Variants in BMPER observed in about 807,000 individuals in gnomAD.
BMPER encodes the protein BMP binding endothelial regulator.
BMPER carries 45 observed loss-of-function variants against 87.3 expected under a neutral mutation model. That is an observed-to-expected ratio of 0.52 (90% CI 0.41 to 0.66). BMPER has a LOEUF of 0.66. Among genes scored for constraint, BMPER ranks in the 30% least tolerant of loss-of-function variants. The pLI, the probability that BMPER is intolerant of heterozygous loss-of-function variation, is 0.00. For missense variants in BMPER, 784 were observed against 867.5 expected (o/e 0.90, Z 1.21); for synonymous variants, 326 against 316.2 (o/e 1.03, Z -0.33).
intron 2 of BMPER, among the ~76,000 whole-genome samples, chr7:33,928,462 G>A (rs1784409822): frequency 6.6e-6 from 1 of 151,838 alleles, no homozygotes; most frequent in Non-Finnish European, 1.5e-5. Flanking sequence ...ATTTTTATTT[G>A]GTGGTTGTTT....
intron 6 of BMPER, among the ~76,000 whole-genome samples, chr7:34,023,059 C>T (rs1448513965): frequency 2.6e-5 from 4 of 152,030 alleles, no homozygotes; most frequent in Admixed American, 6.6e-5. Context: ...CCATTGTACT[C>T]GAGAAACATC....
In BMPER at chr7:34,139,212, C is replaced by T. The variant is rs77891507; in HGVS notation, c.1746-4018C>T. Among the ~76,000 whole-genome samples the T allele has an allele frequency of 5.4e-3, 823 of 152,218 alleles. 58 individuals carry two copies. The East Asian group carries it at 0.13, about 24-fold the overall frequency. On this transcript the variant is annotated intron_variant, in intron 13 of 14. Coordinates refer to ENST00000649409, the MANE Select transcript of BMPER (RefSeq NM_001365308.1). The stretch of plus-strand genomic sequence containing the variant: ...AAAATTATTCCATTATCTATTCCAC[C>T]ACCACATTAGTAGACCAATGAAATA...
At chr7:34,011,598 A>AG (rs550533246) in intron 6 of BMPER, among the ~76,000 whole-genome samples, 198 of 148,444 alleles carry the variant, frequency 1.3e-3, no homozygotes, top group Non-Finnish European at 2.6e-3. Flanking sequence ...AAAAAAAAAA[A>AG]AAAAAAGAAA....
intron 2 of BMPER, among the ~76,000 whole-genome samples, chr7:33,915,386 T>C (rs1005656339): frequency 1.3e-5 from 2 of 152,252 alleles, no homozygotes; most frequent in Non-Finnish European, 2.9e-5. Context: ...TTTAAAAATA[T>C]TACGATATAA....
intron 8 of BMPER, among the ~76,000 whole-genome samples, chr7:34,052,698 G>T (rs752875606): frequency 1.4e-4 from 22 of 152,180 alleles, no homozygotes; most frequent in Non-Finnish European, 2.5e-4. Context: ...GTTTTTAATA[G>T]TTAAAGGTCG....
intron 2 of BMPER, among the ~76,000 whole-genome samples, chr7:33,935,384 C>G (rs1784577773): frequency 6.6e-6 from 1 of 152,130 alleles, no homozygotes. Flanking sequence ...GGAGCTTGAA[C>G]AAATACCCAT....
chr7:33,905,912 G>T (rs1475915061), intron 1 of BMPER, among the ~76,000 whole-genome samples, 166 bp downstream of exon 1: 2 of 152,236 alleles, frequency 1.3e-5, no homozygotes, highest in Non-Finnish European at 2.9e-5. Flanking sequence ...GGCTGGGAAG[G>T]CTGGTGAAGA....
At position 34,095,598 on chromosome 7, in the gene BMPER, A is replaced by G. The variant is rs1215413558; in HGVS notation, c.1745+9506A>G. 5.9e-5 allele frequency among the ~76,000 whole-genome samples: 9 copies of G among 152,350 alleles called. No individual in the cohort carries two copies. In the East Asian group the frequency reaches 1.4e-3, roughly 23 times the overall value. On this transcript the variant is annotated intron_variant, in intron 13 of 14. Coordinates refer to ENST00000649409, the MANE Select transcript of BMPER (RefSeq NM_001365308.1). ...AAATGAAATATTGAAAGATTCTGAAAGAAGACTCAAAGTTCTCTCCTCTGA... is the reference window on the plus strand; with the variant it reads ...AAATGAAATATTGAAAGATTCTGAAGGAAGACTCAAAGTTCTCTCCTCTGA...
At position 34,105,791 on chromosome 7, in the gene BMPER, G is replaced by A. The variant is rs114852349; in HGVS notation, c.1745+19699G>A. ...GACACGTCTTCTTTCAAACTAACAT[G>A]GCCCATGAGTTGGAGGAGCATTGAA... On this transcript the variant is annotated intron_variant, in intron 13 of 14. Transcript: ENST00000649409. Among the ~76,000 whole-genome samples, 670 of 152,242 alleles carry A rather than the reference G, an allele frequency of 4.4e-3. 3 individuals are homozygous for A. Among genetic ancestry groups the A allele is most frequent in the African/African-American group, 0.014 (596 of 41,546 alleles).
intron 6 of BMPER, among the ~76,000 whole-genome samples, chr7:34,038,122 A>T (rs1392630087): frequency 2.0e-5 from 3 of 152,230 alleles, no homozygotes; most frequent in African/African-American, 7.2e-5. Flanking sequence ...AGGTGACCTT[A>T]CATGGCACAA....
intron 2 of BMPER, among the ~76,000 whole-genome samples, chr7:33,909,693 A>AAAAAAAAAAG (rs10655768): frequency 1.9e-4 from 27 of 138,910 alleles, no homozygotes; most frequent in African/African-American, 5.1e-4. Context: ...AAAAAAAAAA[A>AAAAAAAAAAG]AAAGAAAGAA....
intron 2 of BMPER, among the ~76,000 whole-genome samples, chr7:33,909,284 C>A (rs1005624789): frequency 1.3e-5 from 2 of 152,162 alleles, no homozygotes. Context: ...GTTTTGTCTG[C>A]CTCTAGAGCA....
intron 6 of BMPER, among the ~76,000 whole-genome samples, chr7:33,998,091 A>T (rs1161769281): frequency 6.6e-6 from 1 of 152,232 alleles, no homozygotes; most frequent in Admixed American, 6.5e-5. Flanking sequence ...TCCACGACCT[A>T]AAATGGAACT....
At chr7:34,136,825 C>T (rs76212467) in intron 13 of BMPER, among the ~76,000 whole-genome samples, 2,464 of 152,310 alleles carry the variant, frequency 0.016, 54 homozygotes, top group African/African-American at 0.055. Context: ...TATCTGGCTC[C>T]GAGGTGGAGC....
At chr7:34,133,595 G>C (rs1431584666) in intron 13 of BMPER, among the ~76,000 whole-genome samples, 1 of 152,170 alleles carries the variant, frequency 6.6e-6, no homozygotes, top group African/African-American at 2.4e-5. Flanking sequence ...ATCCAAGAAG[G>C]GGGTTGTGGA....
At chr7:34,076,204 A>G (rs539726445) in intron 11 of BMPER, among the ~76,000 whole-genome samples, 11 of 152,290 alleles carry the variant, frequency 7.2e-5, no homozygotes, top group Admixed American at 1.3e-4. Context: ...AGGCTTCCCC[A>G]GAGTCACTTG....
chr7:33,994,477 G>C (rs1786340458), intron 6 of BMPER, among the ~76,000 whole-genome samples: 1 of 152,174 alleles, frequency 6.6e-6, no homozygotes, highest in East Asian at 1.9e-4. Flanking sequence ...CCCTGCTTTG[G>C]CTCGCGCATG....
At chr7:34,086,477 T>C (rs1789213867) in intron 13 of BMPER, among the ~76,000 whole-genome samples, 1 of 152,180 alleles carries the variant, frequency 6.6e-6, no homozygotes, top group South Asian at 2.1e-4. Context: ...GAATCTCAAG[T>C]CACTTGGCTG....
intron 3 of BMPER, among the ~76,000 whole-genome samples, chr7:33,940,853 A>G (rs984881112): frequency 1.5e-5 from 2 of 137,088 alleles, no homozygotes; most frequent in African/African-American, 2.9e-5. Flanking sequence ...TATATAATAG[A>G]ATTTATATAT....
Sources: gnomAD v4.1 joint callset for allele counts (sites outside exome capture counted in the v4.1 genomes callset) on GRCh38, gnomAD v4.1.1 for gene constraint, MANE v1.5 for transcripts, NCBI Gene and HGNC (gene_info 2026-07-23, HGNC 2026-07-21) for gene names.